CRISPLD2: variants seen among roughly 807,000 people sequenced by gnomAD.
CRISPLD2 encodes cysteine rich secretory protein LCCL domain containing 2, also known as cysteine-rich secretory protein LCCL domain-containing 2.
CRISPLD2 carries 47 observed loss-of-function variants against 71.1 expected under a neutral mutation model. The observed-to-expected ratio is 0.66, with a 90% CI of 0.52 to 0.84. The LOEUF is 0.84. Among genes scored for constraint, CRISPLD2 ranks in the 40% least tolerant of loss-of-function variants. CRISPLD2 has a pLI of 0.00. For missense variants in CRISPLD2, 830 were observed against 651.1 expected (o/e 1.27, Z -2.99); for synonymous variants, 317 against 250.1 (o/e 1.27, Z -2.52).
intron 1 of CRISPLD2, 48 bp from the exon 2 acceptor site, chr16:84,838,374 C>G: frequency 8.1e-7 from 1 of 1,233,200 alleles, no homozygotes; most frequent in East Asian, 2.3e-5. Context: ...GCGCTGTGAC[C>G]GGCTCCTACT....
chr16:84,848,941 C>G (rs528817749), intron 3 of CRISPLD2, among the ~76,000 whole-genome samples: 20 of 149,320 alleles, frequency 1.3e-4, no homozygotes, highest in African/African-American at 4.9e-4. Context: ...AGCCGAGATC[C>G]CGCCACTGCA....
intron 1 of CRISPLD2, chr16:84,829,206 G>C (rs1916427102): frequency 6.6e-6 from 1 of 152,432 alleles, no homozygotes; most frequent in Admixed American, 6.5e-5. Flanking sequence ...ATTCAGCACA[G>C]TGCAGGCAGC....
At chr16:84,877,040 C>T (rs1339702937) in intron 11 of CRISPLD2, among the ~76,000 whole-genome samples, 4 of 152,192 alleles carry the variant, frequency 2.6e-5, no homozygotes, top group African/African-American at 9.7e-5. Flanking sequence ...GCTCCCACCT[C>T]AGTCCTGGGA....
chr16:84,877,206 T>TG (rs1567698351), intron 11 of CRISPLD2, among the ~76,000 whole-genome samples: 1 of 151,930 alleles, frequency 6.6e-6, no homozygotes, highest in Non-Finnish European at 1.5e-5. Flanking sequence ...GAGAAACCAC[T>TG]GGGGGTGACA....
chr16:84,826,594 G>A (rs552466697), intron 1 of CRISPLD2, among the ~76,000 whole-genome samples: 23 of 152,244 alleles, frequency 1.5e-4, no homozygotes, highest in Admixed American at 2.6e-4. Flanking sequence ...CAGCCAGTCC[G>A]TTCGCCCCGG....
At chr16:84,892,975 C>CAAA (rs35939092) in intron 14 of CRISPLD2, among the ~76,000 whole-genome samples, 15 of 64,920 alleles carry the variant, frequency 2.3e-4, no homozygotes, top group East Asian at 4.4e-4. Flanking sequence ...GACTCCATCT[C>CAAA]AAAAAAAAAA....
chr16:84,902,399 G>A (rs542350288), intron 14 of CRISPLD2, among the ~76,000 whole-genome samples: 9 of 151,804 alleles, frequency 5.9e-5, no homozygotes, highest in African/African-American at 2.2e-4. Flanking sequence ...CGCAAGGTCA[G>A]GACATCGAGA....
chr16:84,883,992 C>A (rs946918724), intron 13 of CRISPLD2, among the ~76,000 whole-genome samples: 1 of 151,896 alleles, frequency 6.6e-6, no homozygotes, highest in Non-Finnish European at 1.5e-5. Flanking sequence ...TACAGGTGCC[C>A]GCCACCCACA....
At chr16:84,856,267 C>G (rs368591337) in intron 6 of CRISPLD2, among the ~76,000 whole-genome samples, 24 of 152,306 alleles carry the variant, frequency 1.6e-4, no homozygotes, top group African/African-American at 5.8e-4. Context: ...AAGGGAGCTC[C>G]TGTATTCCAC....
intron 14 of CRISPLD2, among the ~76,000 whole-genome samples, chr16:84,899,910 G>GC (rs1170056253): frequency 2.0e-5 from 3 of 152,150 alleles, no homozygotes; most frequent in Non-Finnish European, 4.4e-5. Flanking sequence ...AACGTGGCTT[G>GC]CCCCCCATGC....
chr16:84,842,970 T>C (rs1916815971), intron 2 of CRISPLD2, among the ~76,000 whole-genome samples: 1 of 152,214 alleles, frequency 6.6e-6, no homozygotes, highest in Non-Finnish European at 1.5e-5. Context: ...CTGGTCTTCT[T>C]GTCCCTGCAC....
At chr16:84,863,043 T>A (rs1193998407) in intron 6 of CRISPLD2, 1 of 152,254 alleles carries the variant, frequency 6.6e-6, no homozygotes, top group Non-Finnish European at 1.5e-5. Context: ...GGAGCCTTCC[T>A]GGACTTCACA....
At chr16:84,837,802 C>T in intron 1 of CRISPLD2, among the ~76,000 whole-genome samples, 1 of 152,112 alleles carries the variant, frequency 6.6e-6, no homozygotes, top group East Asian at 1.9e-4. Flanking sequence ...ACATAAACGA[C>T]CGGCCTGTGT....
chr16:84,863,459 G>C (rs1283459329), intron 6 of CRISPLD2, among the ~76,000 whole-genome samples: 2 of 152,156 alleles, frequency 1.3e-5, no homozygotes, highest in Non-Finnish European at 2.9e-5. Context: ...ATGGAGCAGG[G>C]ATAAGGATAT....
chr16:84,886,787 C>T (rs2071617449), intron 13 of CRISPLD2, among the ~76,000 whole-genome samples: 1 of 152,188 alleles, frequency 6.6e-6, no homozygotes, highest in Non-Finnish European at 1.5e-5. Flanking sequence ...CGCACTTCAG[C>T]CTGGGTGACA....
intron 5 of CRISPLD2, 55 bp downstream of exon 5, chr16:84,850,738 C>G: frequency 1.4e-6 from 2 of 1,386,450 alleles, no homozygotes; most frequent in Non-Finnish European, 2.1e-6. Flanking sequence ...GTTTGCTTGC[C>G]AGGGAGCACC....
chr16:84,831,812 G>A (rs1916495728), intron 1 of CRISPLD2, among the ~76,000 whole-genome samples: 1 of 152,138 alleles, frequency 6.6e-6, no homozygotes, highest in East Asian at 1.9e-4. Context: ...TCGGCTCACT[G>A]CAACCTCCAC....
intron 14 of CRISPLD2, among the ~76,000 whole-genome samples, chr16:84,897,415 A>G (rs1205100054): frequency 6.6e-6 from 1 of 152,146 alleles, no homozygotes; most frequent in Non-Finnish European, 1.5e-5. Flanking sequence ...AGATTGCACC[A>G]CTGCACTCTA....
At chr16:84,874,406 C>T (rs781395750) in intron 11 of CRISPLD2, among the ~76,000 whole-genome samples, 13 of 152,194 alleles carry the variant, frequency 8.5e-5, no homozygotes, top group Non-Finnish European at 1.6e-4. Flanking sequence ...AAGTGTGTGG[C>T]ACTTACTTGC....
Sources: gnomAD v4.1 joint callset for allele counts (sites outside exome capture counted in the v4.1 genomes callset) on GRCh38, gnomAD v4.1.1 for gene constraint, MANE v1.5 for transcripts, NCBI Gene and HGNC (gene_info 2026-07-23, HGNC 2026-07-21) for gene names.